Variants in TNRC6B observed in about 807,000 individuals in gnomAD.
TNRC6B encodes the protein trinucleotide repeat containing adaptor 6B, also known as trinucleotide repeat-containing gene 6B protein.
Under a neutral mutation model 203.6 loss-of-function variants are expected in TNRC6B, and 52 were observed. That is an observed-to-expected ratio of 0.26 (90% CI 0.20 to 0.32). The LOEUF is 0.32. Among genes scored for constraint, TNRC6B ranks in the 10% least tolerant of loss-of-function variants. TNRC6B has a pLI of 1.00. For synonymous variants in TNRC6B, 838 were observed against 845.7 expected, an observed-to-expected ratio of 0.99 and a Z score of 0.16; for missense variants, 1,923 against 2,286.2, an observed-to-expected ratio of 0.84 and a Z score of 3.24.
At position 40,200,571 on chromosome 22, in the gene TNRC6B, A is replaced by G. The variant is rs1035584201; in HGVS notation, c.5+22431A>G. 3.3e-5 allele frequency among the ~76,000 whole-genome samples: 5 copies of G among 152,114 alleles called. No individual in the cohort carries two copies. The East Asian group carries it at 5.8e-4, about 18-fold the overall frequency. The stretch of plus-strand genomic sequence containing the variant: ...CCAAAGTGCTGGGATTACAGGCGTG[A>G]GCCACCGCGCCCGGCTAAAAAGTAA... On this transcript the variant is annotated intron_variant, in intron 1 of 22. Transcript: ENST00000454349.
chr22:40,191,039 C>G (rs143282695), intron 1 of TNRC6B, among the ~76,000 whole-genome samples: 84 of 152,254 alleles, frequency 5.5e-4, no homozygotes, highest in African/African-American at 1.9e-3. Flanking sequence ...ATAAAGACGA[C>G]GCTTCGGAAT....
At chr22:40,238,704 A>G (rs1377496994) in intron 1 of TNRC6B, among the ~76,000 whole-genome samples, 1 of 152,156 alleles carries the variant, frequency 6.6e-6, no homozygotes, top group Non-Finnish European at 1.5e-5. Context: ...ATTATATGGA[A>G]GGTGTTGCCC....
chr22:40,184,509 G>A (rs2069176122), intron 1 of TNRC6B, among the ~76,000 whole-genome samples: 2 of 152,190 alleles, frequency 1.3e-5, no homozygotes, highest in African/African-American at 4.8e-5. Flanking sequence ...TATAAGCCAC[G>A]TTTGAAAGTC....
chr22:40,125,536 A>T (rs2068483592), intron 2 of TNRC6B, among the ~76,000 whole-genome samples: 2 of 152,182 alleles, frequency 1.3e-5, no homozygotes, highest in Admixed American at 6.5e-5. Flanking sequence ...CCAATGCTGG[A>T]AACCTTTCCT....
rs1165384428 is a variant in TNRC6B, at chr22:40,312,598, C to G, written c.4529C>G (p.Ala1510Gly). ...CCAGGAAGTGTGCTGGGGGGTACAG[C>G]CACATCTCCCATTGTAGATACTGAC... ...VTPGSVLGGT[A>G]TSPIVDTDHQ... Residue 1510 changes from alanine (A) to glycine (G), a missense_variant, in exon 18 of 23, where the codon GCC becomes GGC. Physicochemically the swap from Ala to Gly is moderately conservative, Grantham distance 60. Around this residue, in one of 8 missense-constraint regions of TNRC6B, gnomAD observed 159 missense variants for 181.0 expected, o/e 0.88. Coordinates refer to ENST00000454349, the MANE Select transcript of TNRC6B (RefSeq NM_001162501.2). The G allele has an allele frequency of 2.5e-6, 4 of 1,613,840 alleles. No individual in the cohort carries two copies.
intron 1 of TNRC6B, chr22:40,106,417 A>G (rs1409840261): frequency 6.1e-6 from 6 of 984,234 alleles, no homozygotes; most frequent in South Asian, 3.8e-5. Flanking sequence ...ATTCTGCCTC[A>G]TGGAGAAGAT....
chr22:40,286,076 C>G (rs2070776148), intron 12 of TNRC6B, among the ~76,000 whole-genome samples: 1 of 152,146 alleles, frequency 6.6e-6, no homozygotes, highest in South Asian at 2.1e-4. Flanking sequence ...TCCTATTTTT[C>G]TAACTATATT....
intron 4 of TNRC6B, 87 bp downstream of exon 4, chr22:40,262,260 C>A: frequency 1.6e-6 from 2 of 1,216,758 alleles, no homozygotes; most frequent in Non-Finnish European, 1.1e-6. Context: ...TCCAGGAAAG[C>A]CATTCATTAT....
chr22:40,170,839 GTACATATATGTGTGTATA>G (rs1446816435), intron 4 of TNRC6B, among the ~76,000 whole-genome samples: 2 of 64,148 alleles, frequency 3.1e-5, no homozygotes, highest in African/African-American at 1.8e-4. Flanking sequence ...ATACATATAT[GTACATATATGTGTGTATA>G]TATACATATA....
At chr22:40,224,032 A>G (rs535391951) in intron 1 of TNRC6B, among the ~76,000 whole-genome samples, 9 of 152,046 alleles carry the variant, frequency 5.9e-5, no homozygotes, top group Admixed American at 2.0e-4. Flanking sequence ...TTTGAGACCG[A>G]GTCTTACTCT....
At chr22:40,075,148 ATATATATATTTTTT>A (rs1224990904) in intron 1 of TNRC6B, among the ~76,000 whole-genome samples, 188 of 70,038 alleles carry the variant, frequency 2.7e-3, no homozygotes, top group African/African-American at 0.018. Context: ...ATATATATAT[ATATATATATTTTTT>A]TTTTTTTTTT....
At chr22:40,075,156 A>ATATATATATATATATATTT in intron 1 of TNRC6B, among the ~76,000 whole-genome samples, 2 of 35,558 alleles carry the variant, frequency 5.6e-5, no homozygotes, top group Non-Finnish European at 5.2e-5. Flanking sequence ...ATATATATAT[A>ATATATATATATATATATTT]TTTTTTTTTT....
At chr22:40,219,233 C>G (rs2069675959) in intron 1 of TNRC6B, among the ~76,000 whole-genome samples, 1 of 152,144 alleles carries the variant, frequency 6.6e-6, no homozygotes. Flanking sequence ...ACCAATAGCA[C>G]TTAGTACATG....
At chr22:40,271,835 A>C (rs2070567421) in intron 6 of TNRC6B, among the ~76,000 whole-genome samples, 1 of 152,212 alleles carries the variant, frequency 6.6e-6, no homozygotes, top group Non-Finnish European at 1.5e-5. Flanking sequence ...TAATGTGCGG[A>C]AGAAAGGGCT....
chr22:40,061,204 G>A (rs761601156), intron 1 of TNRC6B, among the ~76,000 whole-genome samples: 4 of 152,022 alleles, frequency 2.6e-5, no homozygotes, highest in African/African-American at 7.2e-5. Context: ...ACGTATGTCC[G>A]CTGTTGTTGG....
rs140504784 is a variant in TNRC6B at position 40,185,747 on chromosome 22, T to C, written c.5+7607T>C. ...TGGCAGTGCAGTGAGAATTTTGATA[T>C]GGCAGTGGTGCAGAGGAGGACTTGG... On this transcript the variant is annotated intron_variant, in intron 1 of 22. Coordinates refer to ENST00000454349, the MANE Select transcript of TNRC6B (RefSeq NM_001162501.2). Among the ~76,000 whole-genome samples the C allele has an allele frequency of 5.4e-3, 829 of 152,254 alleles. 3 individuals are homozygous for C. The highest frequency in any genetic ancestry group is 9.0e-3 in the Non-Finnish European group (611 of 68,002).
At chr22:40,205,128 T>C (rs1297056068) in intron 1 of TNRC6B, among the ~76,000 whole-genome samples, 1 of 152,242 alleles carries the variant, frequency 6.6e-6, no homozygotes, top group Non-Finnish European at 1.5e-5. Context: ...TCCTGACCAC[T>C]ACTGGGCCAC....
chr22:40,300,656 G>A, intron 13 of TNRC6B, 70 bp downstream of exon 13: 2 of 1,529,890 alleles, frequency 1.3e-6, no homozygotes, highest in Non-Finnish European at 1.8e-6. Context: ...GCTTTGATTT[G>A]CTTCCCACAT....
chr22:40,296,498 A>AT lies in TNRC6B; in HGVS notation c.3709-3950dup, dbSNP rs369803810. On this transcript the variant is annotated intron_variant, in intron 12 of 22. Coordinates refer to ENST00000454349, the MANE Select transcript of TNRC6B (RefSeq NM_001162501.2). ...AGGCGCCCGCCATCACTCCCGGCTA[A>AT]TTTTTTTGTATTTTTAGTAGAGACG... Among the ~76,000 whole-genome samples, 31 of 151,444 alleles carry AT rather than the reference A, an allele frequency of 2.0e-4. No individual in the cohort carries two copies. In the East Asian group the frequency reaches 2.1e-3, roughly 10 times the overall value.
Sources: allele counts gnomAD v4.1 joint callset (sites outside exome capture counted in the v4.1 genomes callset), GRCh38; gene constraint gnomAD v4.1.1; regional missense constraint gnomAD v4.1.1; transcripts MANE v1.5; gene names NCBI Gene and HGNC (gene_info 2026-07-23, HGNC 2026-07-21).